AAK1: variants seen among roughly 807,000 people sequenced by gnomAD.
AAK1 encodes the protein AP2 associated kinase 1.
Under a neutral mutation model 116.0 loss-of-function variants are expected in AAK1, and 37 were observed. The ratio of observed to expected loss-of-function variants is 0.32; its 90% CI spans 0.25 to 0.42. The LOEUF is 0.42. AAK1 is among the 10% of genes least tolerant of loss of function. The pLI is 1.00. For missense variants in AAK1, 919 were observed against 1,170.6 expected, an observed-to-expected ratio of 0.79 and a Z score of 3.14; for synonymous variants, 458 against 439.9, an observed-to-expected ratio of 1.04 and a Z score of -0.51.
chr2:69,561,741 A>G (rs1313811187), intron 2 of AAK1, among the ~76,000 whole-genome samples: 1 of 151,266 alleles, frequency 6.6e-6, no homozygotes, highest in African/African-American at 2.4e-5. Flanking sequence ...TTTGCAGACA[A>G]TCTCCCCTCC....
chr2:69,581,725 C>A (rs1672554864), intron 2 of AAK1, among the ~76,000 whole-genome samples: 1 of 151,886 alleles, frequency 6.6e-6, no homozygotes, highest in Non-Finnish European at 1.5e-5. Flanking sequence ...GCCTATAATC[C>A]CAGCACTTTG....
At chr2:69,571,251 T>G (rs908233858) in intron 2 of AAK1, among the ~76,000 whole-genome samples, 4 of 152,216 alleles carry the variant, frequency 2.6e-5, no homozygotes, top group Admixed American at 1.3e-4. Flanking sequence ...ACACCTGGAG[T>G]GCATTCTCCC....
At chr2:69,492,874 T>C (rs541477672) in intron 17 of AAK1, among the ~76,000 whole-genome samples, 1 of 151,860 alleles carries the variant, frequency 6.6e-6, no homozygotes, top group Non-Finnish European at 1.5e-5. Context: ...TGAGCATGTA[T>C]GCAAAACAAA....
At chr2:69,640,053 A>ACACACT (rs1343518565) in intron 2 of AAK1, among the ~76,000 whole-genome samples, 101 of 92,764 alleles carry the variant, frequency 1.1e-3, no homozygotes, top group African/African-American at 4.1e-3. Context: ...ACACACACAC[A>ACACACT]CTCTCTCTCT....
intron 16 of AAK1, among the ~76,000 whole-genome samples, chr2:69,497,981 G>C (rs886651092): frequency 2.6e-5 from 4 of 151,848 alleles, no homozygotes; most frequent in African/African-American, 9.7e-5. Flanking sequence ...TCTGGCTCTG[G>C]GACCCCACCC....
intron 2 of AAK1, among the ~76,000 whole-genome samples, chr2:69,587,260 T>C (rs760939359): frequency 1.5e-4 from 22 of 150,794 alleles, no homozygotes; most frequent in Non-Finnish European, 3.1e-4. Context: ...TATATATATA[T>C]ACACATGTGT....
At chr2:69,520,727 T>C (rs1159231588) in intron 11 of AAK1, 107 bp downstream of exon 11, 1 of 1,285,832 alleles carries the variant, frequency 7.8e-7, no homozygotes, top group African/African-American at 1.5e-5. Context: ...GTTATCTCTG[T>C]GTGCCTCTGG....
rs558049001 is a variant in AAK1 at position 69,620,952 on chromosome 2, T to C, written c.163+21926A>G. 3.9e-4 allele frequency among the ~76,000 whole-genome samples: 60 copies of C among 152,342 alleles called. No individual in the cohort carries two copies. The South Asian group carries it at 0.012, about 32-fold the overall frequency. ...ATTTGCCCAAGTTTCTCAAAGCCAT[T>C]AGCCAACTTTAATGAAATAAAATTT... On this transcript the variant is annotated intron_variant, in intron 2 of 21. Coordinates refer to ENST00000409085, the MANE Select transcript of AAK1 (RefSeq NM_014911.5).
chr2:69,465,292 A>T lies in AAK1; in HGVS notation c.*10577T>A, dbSNP rs1674450693. 4.8e-6 allele frequency: 4 copies of T among 828,912 alleles called. No homozygotes were observed. The highest frequency in any genetic ancestry group is 7.6e-5 in the Admixed American group (2 of 26,326). 51.3% of individuals were successfully genotyped at this position (828,912 alleles called of 1,614,324 possible). On this transcript the variant is annotated 3_prime_UTR_variant, in exon 22 of 22. Coordinates refer to ENST00000409085, the MANE Select transcript of AAK1 (RefSeq NM_014911.5). ...TGCAACTGAGTTTGTTGACTCAAGAAATTCTGCTCTGACGCAGGGAATTGA... is the reference window on the plus strand; with the variant it reads ...TGCAACTGAGTTTGTTGACTCAAGATATTCTGCTCTGACGCAGGGAATTGA...
In AAK1 at chr2:69,459,430, AT is replaced by A. The variant is rs1378503116; in HGVS notation, c.*16438del. 2 of 152,192 alleles carry A rather than the reference AT, an allele frequency of 1.3e-5. No homozygotes were observed. The highest frequency in any genetic ancestry group is 2.9e-5 in the Non-Finnish European group (2 of 68,198). The allele number at this position is 152,192 out of a possible 1,614,324, so 9.4% of individuals were successfully genotyped here. On this transcript the variant is annotated 3_prime_UTR_variant, in exon 22 of 22. Transcript: ENST00000409085. ...AGGTGTGCACCACCATGCCTGGCTA[AT>A]TTTTGTATTTTTTGTAGAGACAAGG...
At chr2:69,603,104 G>T (rs1431018725) in intron 2 of AAK1, among the ~76,000 whole-genome samples, 1 of 152,108 alleles carries the variant, frequency 6.6e-6, no homozygotes, top group Non-Finnish European at 1.5e-5. Context: ...AGTTATGGAA[G>T]TCAAAAAAGA....
intron 2 of AAK1, among the ~76,000 whole-genome samples, chr2:69,629,269 C>G (rs1229509244): frequency 6.6e-6 from 1 of 152,190 alleles, no homozygotes; most frequent in African/African-American, 2.4e-5. Context: ...CAGGCCAATG[C>G]CAATCATCAA....
Position 69,467,116 on chromosome 2 carries a change from A to G in AAK1, c.*8753T>C. 2 of 985,452 alleles carry G rather than the reference A, an allele frequency of 2.0e-6. No homozygotes were observed. Among genetic ancestry groups the G allele is most frequent in the Non-Finnish European group, 2.4e-6 (2 of 829,932 alleles). The allele number at this position is 985,452 out of a possible 1,614,324, so 61.0% of individuals were successfully genotyped here. A position where few individuals can be genotyped will look rare whatever the true frequency, so the allele number is the denominator to read the frequency against. ...CAAAGAGCATACGAGTGCCCAAAAT[A>G]TAAATACTGAAGGTACCTTCTGAGG... is the stretch of plus-strand genomic sequence containing the variant. On this transcript the variant is annotated 3_prime_UTR_variant, in exon 22 of 22. Coordinates refer to ENST00000409085, the MANE Select transcript of AAK1 (RefSeq NM_014911.5).
At chr2:69,573,793 A>C (rs1672185720) in intron 2 of AAK1, among the ~76,000 whole-genome samples, 1 of 152,048 alleles carries the variant, frequency 6.6e-6, no homozygotes, top group African/African-American at 2.4e-5. Context: ...TGAGGTCAGG[A>C]GTTCGAGACC....
At chr2:69,476,686 A>C (rs1158052462) in intron 21 of AAK1, among the ~76,000 whole-genome samples, 194 bp downstream of exon 21, 1 of 152,198 alleles carries the variant, frequency 6.6e-6, no homozygotes, top group Non-Finnish European at 1.5e-5. Context: ...TTCTCTCTAA[A>C]TAAACACCAC....
intron 9 of AAK1, among the ~76,000 whole-genome samples, chr2:69,526,731 C>T (rs1670044044): frequency 6.6e-6 from 1 of 152,154 alleles, no homozygotes; most frequent in African/African-American, 2.4e-5. Context: ...GCTGGAAGGA[C>T]AGAGAAAGAG....
chr2:69,472,727 A>G lies in AAK1; in HGVS notation c.*3142T>C. ...TACATAGCTGGAATAAAAGCAAATC[A>G]GAAACATATGCTTATAGTATTTGCC... is the stretch of plus-strand genomic sequence containing the variant. On this transcript the variant is annotated 3_prime_UTR_variant, in exon 22 of 22. Coordinates refer to ENST00000409085, the MANE Select transcript of AAK1 (RefSeq NM_014911.5). 1.0e-6 allele frequency: 1 copy of G among 985,482 alleles called. No individual in the cohort carries two copies. Among genetic ancestry groups the G allele is most frequent in the South Asian group, 4.7e-5 (1 of 21,292 alleles). The allele number at this position is 985,482 out of a possible 1,614,324, so 61.0% of individuals were successfully genotyped here.
chr2:69,577,848 G>A (rs1672377147), intron 2 of AAK1, among the ~76,000 whole-genome samples: 1 of 151,686 alleles, frequency 6.6e-6, no homozygotes, highest in Admixed American at 6.6e-5. Flanking sequence ...CTGTAGGTTG[G>A]GGAGGGGGCA....
At chr2:69,567,773 C>G (rs571573021) in intron 2 of AAK1, among the ~76,000 whole-genome samples, 11 of 152,298 alleles carry the variant, frequency 7.2e-5, no homozygotes, top group African/African-American at 2.6e-4. Context: ...GGCAAGTGCT[C>G]AAGGTGGAAC....
Sources: allele counts gnomAD v4.1 joint callset (sites outside exome capture counted in the v4.1 genomes callset), GRCh38; gene constraint gnomAD v4.1.1; transcripts MANE v1.5; gene names NCBI Gene and HGNC (gene_info 2026-07-23, HGNC 2026-07-21).